Variants in FRK observed in about 807,000 individuals in gnomAD.
The protein encoded by FRK is tyrosine-protein kinase FRK.
In FRK, 51 loss-of-function variants were observed where a neutral mutation model predicts 56.4. That is an observed-to-expected ratio of 0.90 (90% CI 0.72 to 1.14). The LOEUF (loss-of-function observed/expected upper bound fraction) is 1.14. FRK is among the 50% of genes most tolerant of loss of function. FRK has a pLI of 0.00. For synonymous variants in FRK, 245 were observed against 217.9 expected, an observed-to-expected ratio of 1.12 and a Z score of -1.10; for missense variants, 570 against 601.4, an observed-to-expected ratio of 0.95 and a Z score of 0.55.
chr6:116,060,165 A>C lies in FRK; in HGVS notation c.147T>G (p.Ala49=). 6.2e-7 allele frequency: 1 copy of C among 1,614,228 alleles called. No individual in the cohort carries two copies. Among genetic ancestry groups the C allele is most frequent in the Non-Finnish European group, 8.5e-7 (1 of 1,180,040 alleles). Residue 49 remains alanine (A), a synonymous_variant, in exon 1 of 8, where the codon GCT becomes GCG. Transcript: ENST00000606080. ...CAGTCCGAGCCTGGTAATCAAACAAAGCCACAAAGTAGTGGCCATGCCTCT... is the reference window on the plus strand; with the variant it reads ...CAGTCCGAGCCTGGTAATCAAACAACGCCACAAAGTAGTGGCCATGCCTCT... ...QSQRHGHYFV[A]LFDYQARTAE...
intron 1 of FRK, among the ~76,000 whole-genome samples, chr6:116,037,460 G>A (rs1776530104): frequency 6.6e-6 from 1 of 152,046 alleles, no homozygotes; most frequent in African/African-American, 2.4e-5. Flanking sequence ...CAGACCCAAT[G>A]GTAAAGGAGC....
chr6:115,958,279 T>G (rs1437741840), intron 4 of FRK, among the ~76,000 whole-genome samples: 4 of 17,666 alleles, frequency 2.3e-4, no homozygotes, highest in Admixed American at 1.8e-3. Context: ...ATCCCCCCAC[T>G]ACCACCCCCC....
At chr6:115,972,135 A>G (rs897253076) in intron 2 of FRK, among the ~76,000 whole-genome samples, 1 of 152,098 alleles carries the variant, frequency 6.6e-6, no homozygotes, top group Non-Finnish European at 1.5e-5. Context: ...TTCTCCCACC[A>G]CATTCTCCCT....
At chr6:115,991,124 T>G (rs937983721) in intron 2 of FRK, among the ~76,000 whole-genome samples, 1 of 151,914 alleles carries the variant, frequency 6.6e-6, no homozygotes, top group Non-Finnish European at 1.5e-5. Flanking sequence ...TAATTTTGTA[T>G]CTGGAAACTT....
chr6:116,029,384 A>C (rs1776216519), intron 1 of FRK, among the ~76,000 whole-genome samples: 1 of 152,144 alleles, frequency 6.6e-6, no homozygotes, highest in Admixed American at 6.5e-5. Flanking sequence ...TGCTCAGATA[A>C]TGATGATGCA....
rs1771983360 is a variant in FRK at position 115,932,992 on chromosome 6, T to C, written c.*9422A>G. On this transcript the variant is annotated 3_prime_UTR_variant, in exon 8 of 8. Coordinates refer to ENST00000606080, the MANE Select transcript of FRK (RefSeq NM_002031.3). ...AGCCAGTTTGCAGATTCCTGGTCAC[T>C]CTGACTTTAACTTTGTTTTTGATGA... 6.6e-6 allele frequency: 1 copy of C among 152,240 alleles called. No individual in the cohort carries two copies. The highest frequency in any genetic ancestry group is 1.5e-5 in the Non-Finnish European group (1 of 68,054). The allele number at this position is 152,240 out of a possible 1,614,324, so 9.4% of individuals were successfully genotyped here.
chr6:115,959,253 T>C (rs917687460), intron 4 of FRK, among the ~76,000 whole-genome samples: 6 of 152,230 alleles, frequency 3.9e-5, no homozygotes, highest in Non-Finnish European at 7.3e-5. Context: ...CTAAAGCTGT[T>C]TGTGGCTATT....
the FRK span, among the ~76,000 whole-genome samples, chr6:116,094,924 A>C: frequency 1.3e-5 from 2 of 152,270 alleles, no homozygotes; most frequent in Admixed American, 1.3e-4. Context: ...AGTAGTAAAG[A>C]AAAAACAGCG....
At chr6:115,995,957 C>T (rs2114674493) in intron 2 of FRK, among the ~76,000 whole-genome samples, 1 of 152,186 alleles carries the variant, frequency 6.6e-6, no homozygotes, top group South Asian at 2.1e-4. Flanking sequence ...AATTAAAAGG[C>T]ATTTTCTAAG....
At chr6:116,019,313 T>G (rs1365924120) in intron 1 of FRK, among the ~76,000 whole-genome samples, 1 of 152,162 alleles carries the variant, frequency 6.6e-6, no homozygotes, top group Non-Finnish European at 1.5e-5. Context: ...AGATGATTAT[T>G]TGAGGATGTG....
the FRK span, among the ~76,000 whole-genome samples, chr6:116,094,450 A>C: frequency 6.6e-6 from 1 of 152,258 alleles, no homozygotes; most frequent in African/African-American, 2.4e-5. Flanking sequence ...GACGGCCTGT[A>C]ACCAGGTATT....
intron 4 of FRK, among the ~76,000 whole-genome samples, chr6:115,958,638 A>AG (rs1406821758): frequency 2.2e-3 from 15 of 6,890 alleles, no homozygotes; most frequent in South Asian, 0.053. Context: ...AAAAAAGGAA[A>AG]GAAAGAAAAG....
the FRK span, among the ~76,000 whole-genome samples, chr6:116,083,453 T>C: frequency 6.6e-6 from 1 of 152,136 alleles, no homozygotes; most frequent in Non-Finnish European, 1.5e-5. Flanking sequence ...AAAAATATCA[T>C]CAGAGGAGGG....
intron 2 of FRK, among the ~76,000 whole-genome samples, chr6:116,002,393 T>C (rs28558754): frequency 6.6e-6 from 1 of 152,124 alleles, no homozygotes; most frequent in East Asian, 1.9e-4. Context: ...CCAAGGGCGG[T>C]GGATCACGAG....
intron 4 of FRK, among the ~76,000 whole-genome samples, chr6:115,957,290 TC>T (rs1193361914): frequency 1.3e-5 from 2 of 152,252 alleles, no homozygotes; most frequent in Non-Finnish European, 2.9e-5. Context: ...AGAAGACTTG[TC>T]TGCAATTAAA....
At chr6:115,951,845 G>A (rs1042059598) in intron 5 of FRK, among the ~76,000 whole-genome samples, 3 of 151,954 alleles carry the variant, frequency 2.0e-5, no homozygotes, top group Non-Finnish European at 2.9e-5. Context: ...AACCAACAGA[G>A]GTCAAAACTG....
the FRK span, among the ~76,000 whole-genome samples, chr6:116,071,758 C>T: frequency 6.6e-6 from 1 of 152,146 alleles, no homozygotes; most frequent in African/African-American, 2.4e-5. Flanking sequence ...GTGTCAGGCA[C>T]TAGGCTAGTG....
At chr6:116,037,912 C>A (rs1318266743) in intron 1 of FRK, among the ~76,000 whole-genome samples, 1 of 152,186 alleles carries the variant, frequency 6.6e-6, no homozygotes, top group East Asian at 1.9e-4. Flanking sequence ...AAGACACTTT[C>A]CTGCCTTGCT....
chr6:116,039,147 C>T, intron 1 of FRK: 1 of 987,102 alleles, frequency 1.0e-6, no homozygotes, highest in Non-Finnish European at 1.6e-6. Context: ...GAGAAGCTAG[C>T]TGAAAGGGAA....
Sources: gnomAD v4.1 joint callset for allele counts (sites outside exome capture counted in the v4.1 genomes callset) on GRCh38, gnomAD v4.1.1 for gene constraint, MANE v1.5 for transcripts, NCBI Gene and HGNC (gene_info 2026-07-23, HGNC 2026-07-21) for gene names.